The following GPM6A variants were observed in gnomAD, a reference collection of about 807,000 sequenced individuals.
GPM6A encodes the protein neuronal membrane glycoprotein M6-a.
A neutral mutation model predicts 32.1 loss-of-function variants in GPM6A; 7 were observed. The observed-to-expected ratio is 0.22, with a 90% CI of 0.12 to 0.41. GPM6A has a LOEUF of 0.41. Ranked by LOEUF, GPM6A falls within the 10% of genes least tolerant of loss-of-function variation. GPM6A has a pLI of 1.00. For synonymous variants in GPM6A, 130 were observed against 123.4 expected (o/e 1.05, Z -0.35); for missense variants, 235 against 347.2 (o/e 0.68, Z 2.57).
intron 2 of GPM6A, among the ~76,000 whole-genome samples, chr4:175,676,179 C>T (rs1167675440): frequency 1.3e-5 from 2 of 152,114 alleles, no homozygotes; most frequent in Non-Finnish European, 1.5e-5. Context: ...TGAGGCCTCT[C>T]CAGTTGGCTG....
In GPM6A at chr4:175,661,434, C is replaced by CA. The variant is rs3032612; in HGVS notation, c.388-9448dup. ...TGGATGACAGAGTGAGACTCTGTCT[C>CA]AAAAAAAAAAAAAAAAAAGTCACTG... is the stretch of plus-strand genomic sequence containing the variant. On this transcript the variant is annotated intron_variant, in intron 3 of 6. Coordinates refer to ENST00000393658, the MANE Select transcript of GPM6A (RefSeq NM_201591.3). Among the ~76,000 whole-genome samples, 710 of 111,760 alleles carry CA rather than the reference C, an allele frequency of 6.4e-3. 7 individuals are homozygous for CA. Among genetic ancestry groups the CA allele is most frequent in the African/African-American group, 0.023 (559 of 24,258 alleles). The allele number at this position is 111,760 out of a possible 152,430, so 73.3% of individuals were successfully genotyped here. A position where few individuals can be genotyped will look rare whatever the true frequency, so the allele number is the denominator to read the frequency against.
chr4:175,871,107 A>T (rs1156979241), intron 1 of GPM6A, among the ~76,000 whole-genome samples: 5 of 151,862 alleles, frequency 3.3e-5, no homozygotes, highest in Non-Finnish European at 4.4e-5. Context: ...TTCCTTATTT[A>T]TCTTTCTCAC....
chr4:175,985,200 C>T (rs1159273176), intron 1 of GPM6A, among the ~76,000 whole-genome samples: 3 of 152,120 alleles, frequency 2.0e-5, no homozygotes, highest in Admixed American at 2.0e-4. Flanking sequence ...TATATGTACA[C>T]ACACATATTT....
intron 1 of GPM6A, among the ~76,000 whole-genome samples, chr4:175,716,022 A>AC (rs1468431265): frequency 6.6e-6 from 1 of 152,170 alleles, no homozygotes; most frequent in African/African-American, 2.4e-5. Context: ...CTGAGATCAC[A>AC]CCACTGCACT....
chr4:175,904,192 GA>G (rs199679223), intron 1 of GPM6A, among the ~76,000 whole-genome samples: 2,126 of 152,100 alleles, frequency 0.014, 48 homozygotes, highest in African/African-American at 0.049. Flanking sequence ...AATTATCCAT[GA>G]AAGACACTAT....
chr4:175,840,143 T>G (rs1488659285), intron 1 of GPM6A, among the ~76,000 whole-genome samples: 1 of 152,194 alleles, frequency 6.6e-6, no homozygotes, highest in African/African-American at 2.4e-5. Context: ...GACCATAGAA[T>G]AGAAAAGAGT....
intron 3 of GPM6A, among the ~76,000 whole-genome samples, chr4:175,671,829 T>C (rs1743088503): frequency 6.6e-6 from 1 of 152,170 alleles, no homozygotes; most frequent in Non-Finnish European, 1.5e-5. Context: ...TCTGCTCTGC[T>C]CATTCCGGGG....
intron 1 of GPM6A, among the ~76,000 whole-genome samples, chr4:175,800,298 T>C (rs895521371): frequency 6.6e-6 from 1 of 152,210 alleles, no homozygotes; most frequent in African/African-American, 2.4e-5. Context: ...TACCCAAATC[T>C]AGGTAGAGGT....
intron 1 of GPM6A, among the ~76,000 whole-genome samples, chr4:175,741,671 T>C (rs1731893212): frequency 6.6e-6 from 1 of 152,166 alleles, no homozygotes. Flanking sequence ...GCATTGTTAA[T>C]GACTAACCTA....
chr4:175,719,105 AT>A (rs1271716343), intron 1 of GPM6A, among the ~76,000 whole-genome samples: 1 of 152,102 alleles, frequency 6.6e-6, no homozygotes, highest in African/African-American at 2.4e-5. Context: ...GAATTTATAT[AT>A]TTATTCCAAA....
In GPM6A at chr4:175,929,223, CT is replaced by C. The variant is rs556105384; in HGVS notation, c.-23+73085del. ...GGCTTCAATTTTAGAACTCTAATTA[CT>C]TTTTTCTGTATTTAAACACTTTCAT... On this transcript the variant is annotated intron_variant, in intron 1 of 7. Coordinates refer to the GPM6A transcript ENST00000280187. Among the ~76,000 whole-genome samples, 15 of 152,304 alleles carry C rather than the reference CT, an allele frequency of 9.8e-5. No homozygotes were observed. In the East Asian group the frequency reaches 1.3e-3, roughly 14 times the overall value.
At chr4:175,742,234 C>T (rs536872313) in intron 1 of GPM6A, among the ~76,000 whole-genome samples, 2 of 152,124 alleles carry the variant, frequency 1.3e-5, no homozygotes, top group South Asian at 2.1e-4. Context: ...CTATATCATC[C>T]AAAATGTAAA....
chr4:175,885,767 C>T (rs77774984), intron 1 of GPM6A, among the ~76,000 whole-genome samples: 2,026 of 152,242 alleles, frequency 0.013, 53 homozygotes, highest in African/African-American at 0.046. Flanking sequence ...TAGTCTTAAT[C>T]GGGGTGGTGG....
At chr4:175,989,087 C>A (rs1454730039) in intron 1 of GPM6A, among the ~76,000 whole-genome samples, 1 of 152,038 alleles carries the variant, frequency 6.6e-6, no homozygotes, top group African/African-American at 2.4e-5. Context: ...TACACATTTG[C>A]ATCTAAAAAT....
chr4:175,987,882 C>T (rs1213108298), intron 1 of GPM6A, among the ~76,000 whole-genome samples: 1 of 151,996 alleles, frequency 6.6e-6, no homozygotes, highest in South Asian at 2.1e-4. Context: ...AATAATATAA[C>T]CTTTTTTCAC....
At chr4:175,949,166 A>G (rs1739716687) in intron 1 of GPM6A, among the ~76,000 whole-genome samples, 1 of 152,214 alleles carries the variant, frequency 6.6e-6, no homozygotes, top group African/African-American at 2.4e-5. Context: ...GGAGTTATCC[A>G]TGGGTAGTGT....
Position 175,701,785 on chromosome 4 carries a change from G to C in GPM6A, c.38-18C>G, listed in dbSNP as rs1404775759. 2 of 1,547,944 alleles carry C rather than the reference G, an allele frequency of 1.3e-6. No individual in the cohort carries two copies. The highest frequency in any genetic ancestry group is 2.0e-5 in the Admixed American group (1 of 51,042). Reference sequence around the variant, plus strand: ...AAAACACCCTGTAGAAGATCACAAAGGGAGAAATTCATATTTTTGTTAACC... The same window carrying C: ...AAAACACCCTGTAGAAGATCACAAACGGAGAAATTCATATTTTTGTTAACC... On this transcript the variant is annotated intron_variant, in intron 1 of 6. Transcript: ENST00000393658.
chr4:175,801,984 A>G (rs1734490452), intron 1 of GPM6A, among the ~76,000 whole-genome samples: 1 of 152,102 alleles, frequency 6.6e-6, no homozygotes, highest in Non-Finnish European at 1.5e-5. Flanking sequence ...TTTGGTAAGC[A>G]TACTACACTC....
upstream of GPM6A, chr4:175,812,298 GGGGTTTTTTTT>G (rs1734953173): frequency 3.8e-3 from 665 of 174,402 alleles, 106 homozygotes; most frequent in Admixed American, 7.3e-3. Flanking sequence ...GGAAAAACTG[GGGGTTTTTTTT>G]TTTTTTTTTT....
Sources: allele counts gnomAD v4.1 joint callset (sites outside exome capture counted in the v4.1 genomes callset), GRCh38; gene constraint gnomAD v4.1.1; transcripts MANE v1.5; gene names NCBI Gene and HGNC (gene_info 2026-07-23, HGNC 2026-07-21).